Variants in STARD13 observed in about 807,000 individuals in gnomAD.
STARD13 encodes the protein StAR related lipid transfer domain containing 13, also known as stAR-related lipid transfer protein 13.
Under a neutral mutation model 106.4 loss-of-function variants are expected in STARD13, and 62 were observed. That is an observed-to-expected ratio of 0.58 (90% CI 0.48 to 0.72). The LOEUF is 0.72. STARD13 is among the 30% of genes least tolerant of loss of function. The pLI, the probability that STARD13 is intolerant of heterozygous loss-of-function variation, is 0.00. For missense variants in STARD13, 1,387 were observed against 1,424.0 expected (o/e 0.97, Z 0.42); for synonymous variants, 565 against 553.0 (o/e 1.02, Z -0.31).
chr13:33,337,552 A>G (rs1474222154), intron 1 of STARD13, among the ~76,000 whole-genome samples: 1 of 152,242 alleles, frequency 6.6e-6, no homozygotes, highest in East Asian at 1.9e-4. Context: ...GCCTTACTTT[A>G]TAATGCTGTT....
the STARD13 span, among the ~76,000 whole-genome samples, chr13:33,623,541 GT>G: frequency 6.6e-6 from 1 of 151,294 alleles, no homozygotes; most frequent in Non-Finnish European, 1.5e-5. Flanking sequence ...CCTTTGTCAG[GT>G]TTTGGTAATA....
intron 4 of STARD13, among the ~76,000 whole-genome samples, chr13:33,142,002 G>C (rs1879894336): frequency 6.6e-6 from 1 of 152,142 alleles, no homozygotes; most frequent in African/African-American, 2.4e-5. Flanking sequence ...GGATGGTCAG[G>C]CATTTCAAAA....
At chr13:33,118,606 T>C (rs1875767311) in intron 7 of STARD13, among the ~76,000 whole-genome samples, 2 of 152,236 alleles carry the variant, frequency 1.3e-5, no homozygotes, top group Non-Finnish European at 1.5e-5. Flanking sequence ...GTATCAGGCA[T>C]GCTTAGAGTT....
the STARD13 span, among the ~76,000 whole-genome samples, chr13:33,579,349 C>T: frequency 7.0e-4 from 106 of 152,032 alleles, no homozygotes; most frequent in African/African-American, 2.4e-3. Flanking sequence ...TGTAGCAACT[C>T]GGATGGAGCT....
At chr13:33,648,730 T>C in the STARD13 span, among the ~76,000 whole-genome samples, 1 of 151,614 alleles carries the variant, frequency 6.6e-6, no homozygotes, top group Non-Finnish European at 1.5e-5. Context: ...TACCAAAGAG[T>C]TTGTGTTCTC....
At chr13:33,563,914 G>A in the STARD13 span, among the ~76,000 whole-genome samples, 7 of 147,494 alleles carry the variant, frequency 4.7e-5, no homozygotes, top group African/African-American at 1.8e-4. Flanking sequence ...GGGCACGGCT[G>A]GGCACTGTGG....
At chr13:33,386,580 C>A in the STARD13 span, among the ~76,000 whole-genome samples, 3 of 152,126 alleles carry the variant, frequency 2.0e-5, no homozygotes, top group African/African-American at 7.2e-5. Context: ...CGACGTGCAG[C>A]CTGGAACTAA....
chr13:33,518,451 T>C, the STARD13 span, among the ~76,000 whole-genome samples: 1 of 151,750 alleles, frequency 6.6e-6, no homozygotes, highest in Non-Finnish European at 1.5e-5. Flanking sequence ...TTCGTGCAGC[T>C]CAAAAAGCTA....
chr13:33,117,964 T>A, intron 8 of STARD13, 101 bp downstream of exon 8: 1 of 1,556,406 alleles, frequency 6.4e-7, no homozygotes, highest in Middle Eastern at 2.0e-4. Flanking sequence ...CTTTATGGAT[T>A]GATGTATTAT....
chr13:33,480,742 T>C, the STARD13 span, among the ~76,000 whole-genome samples: 1 of 152,118 alleles, frequency 6.6e-6, no homozygotes, highest in East Asian at 1.9e-4. Flanking sequence ...TTAGAAACAA[T>C]GACTAGTGTA....
rs200683039 is a variant in STARD13, at chr13:33,183,711, T to G, written c.170-16089A>C. On this transcript the variant is annotated intron_variant, in intron 1 of 13. Transcript: ENST00000336934. ...GAGTCATCTCCAATCTGGAGGAACTTGGAGAAGGAGGGCAGTTCCGGTGAT... is the reference window on the plus strand; with the variant it reads ...GAGTCATCTCCAATCTGGAGGAACTGGGAGAAGGAGGGCAGTTCCGGTGAT... Among the ~76,000 whole-genome samples the G allele has an allele frequency of 6.1e-4, 93 of 152,264 alleles. 1 individual carries two copies. The highest frequency in any genetic ancestry group is 2.1e-3 in the African/African-American group (86 of 41,532).
chr13:33,441,872 A>G, the STARD13 span, among the ~76,000 whole-genome samples: 2 of 152,244 alleles, frequency 1.3e-5, no homozygotes, highest in Admixed American at 1.3e-4. Flanking sequence ...TTTCCCAAGG[A>G]TATTCACATA....
At chr13:33,159,105 CAGG>C (rs1882325993) in intron 3 of STARD13, among the ~76,000 whole-genome samples, 1 of 152,176 alleles carries the variant, frequency 6.6e-6, no homozygotes, top group South Asian at 2.1e-4. Flanking sequence ...GGGCCCTTAT[CAGG>C]AGCACTGTGG....
intron 1 of STARD13, among the ~76,000 whole-genome samples, chr13:33,248,804 C>T (rs1040370194): frequency 2.6e-5 from 4 of 152,220 alleles, no homozygotes; most frequent in Non-Finnish European, 5.9e-5. Flanking sequence ...ACCTGAATTA[C>T]ATAATATTTT....
chr13:33,608,593 G>C, the STARD13 span, among the ~76,000 whole-genome samples: 1 of 152,174 alleles, frequency 6.6e-6, no homozygotes, highest in African/African-American at 2.4e-5. Flanking sequence ...ATGACAGGTA[G>C]TATCATAATT....
chr13:33,548,584 G>T, the STARD13 span, among the ~76,000 whole-genome samples: 1 of 152,014 alleles, frequency 6.6e-6, no homozygotes, highest in Admixed American at 6.6e-5. Flanking sequence ...TATATAGTTG[G>T]CACACTTAAT....
At chr13:33,144,727 GA>G (rs957727627) in intron 3 of STARD13, among the ~76,000 whole-genome samples, 8 of 151,800 alleles carry the variant, frequency 5.3e-5, no homozygotes, top group African/African-American at 1.9e-4. Flanking sequence ...GGTGTGAAGT[GA>G]AAAAAAATGG....
At chr13:33,244,471 A>G (rs1486581340) in intron 1 of STARD13, among the ~76,000 whole-genome samples, 1 of 151,916 alleles carries the variant, frequency 6.6e-6, no homozygotes, top group African/African-American at 2.4e-5. Flanking sequence ...AATTCCTCAC[A>G]TCCCTGTATC....
chr13:33,565,494 T>C, the STARD13 span, among the ~76,000 whole-genome samples: 3 of 148,216 alleles, frequency 2.0e-5, 1 homozygote, highest in Non-Finnish European at 4.5e-5. Context: ...AAAAAATATG[T>C]ATTTTGATAA....
Sources: gnomAD v4.1 joint callset for allele counts (sites outside exome capture counted in the v4.1 genomes callset) on GRCh38, gnomAD v4.1.1 for gene constraint, MANE v1.5 for transcripts, NCBI Gene and HGNC (gene_info 2026-07-23, HGNC 2026-07-21) for gene names.